Variants in FER observed in about 807,000 individuals in gnomAD.
FER encodes the protein tyrosine-protein kinase Fer.
FER carries 63 observed loss-of-function variants against 111.0 expected under a neutral mutation model. The ratio of observed to expected loss-of-function variants is 0.57; its 90% CI spans 0.46 to 0.70. The LOEUF (loss-of-function observed/expected upper bound fraction) is 0.70. FER is among the 30% of genes least tolerant of loss of function. The probability of loss-of-function intolerance (pLI) is 0.00; values close to 1 mark genes in which losing one functional copy is unlikely to be tolerated. For missense variants in FER, 914 were observed against 954.0 expected (o/e 0.96, Z 0.55); for synonymous variants, 327 against 313.9 (o/e 1.04, Z -0.44).
chr5:108,856,902 G>T (rs983157127), intron 5 of FER, among the ~76,000 whole-genome samples: 6 of 151,998 alleles, frequency 3.9e-5, no homozygotes, highest in Admixed American at 2.6e-4. Context: ...AGAACAAATT[G>T]TTGAGGTTTC....
chr5:109,050,741 G>C (rs1424621534), intron 16 of FER, among the ~76,000 whole-genome samples: 1 of 152,046 alleles, frequency 6.6e-6, no homozygotes, highest in Admixed American at 6.6e-5. Flanking sequence ...CTGATACCAA[G>C]AATAAAAAAA....
intron 16 of FER, among the ~76,000 whole-genome samples, chr5:109,084,107 A>G (rs978832506): frequency 2.6e-5 from 4 of 152,006 alleles, no homozygotes; most frequent in Admixed American, 6.6e-5. Context: ...GAAATAGGAC[A>G]TGACTATTGA....
chr5:109,172,995 A>T (rs1387865220), intron 17 of FER, among the ~76,000 whole-genome samples: 20 of 152,214 alleles, frequency 1.3e-4, no homozygotes, highest in Admixed American at 1.3e-3. Context: ...AAGCTTTATC[A>T]CTATATGTTT....
chr5:109,099,558 AGT>A (rs1399658614), intron 16 of FER, among the ~76,000 whole-genome samples: 1 of 151,584 alleles, frequency 6.6e-6, no homozygotes, highest in Non-Finnish European at 1.5e-5. Flanking sequence ...TATTTCAAAG[AGT>A]GTGATTTTAA....
chr5:109,030,639 T>C (rs1321208788), intron 13 of FER, among the ~76,000 whole-genome samples: 1 of 152,196 alleles, frequency 6.6e-6, no homozygotes. Context: ...AAGTCTGGGC[T>C]GCCAGGTGTT....
chr5:109,120,552 C>A (rs979578028), intron 17 of FER, among the ~76,000 whole-genome samples: 1 of 151,964 alleles, frequency 6.6e-6, no homozygotes, highest in African/African-American at 2.4e-5. Flanking sequence ...CAATTCTGTT[C>A]TTTTTGCTTA....
chr5:108,867,180 A>G (rs138081162), intron 5 of FER, among the ~76,000 whole-genome samples: 57 of 152,258 alleles, frequency 3.7e-4, no homozygotes, highest in African/African-American at 8.9e-4. Context: ...TGAATTCCCA[A>G]TGTTTAGCAC....
At chr5:108,956,337 T>C (rs1278081301) in intron 12 of FER, among the ~76,000 whole-genome samples, 3 of 151,650 alleles carry the variant, frequency 2.0e-5, no homozygotes, top group Non-Finnish European at 4.4e-5. Context: ...AACCACAACT[T>C]GTATGAATGT....
intron 5 of FER, among the ~76,000 whole-genome samples, chr5:108,840,629 C>A (rs187762120): frequency 1.3e-5 from 2 of 151,944 alleles, no homozygotes; most frequent in Non-Finnish European, 2.9e-5. Flanking sequence ...CCTGATCTAT[C>A]CCCTATATTT....
intron 13 of FER, among the ~76,000 whole-genome samples, chr5:108,973,414 AT>A (rs1482257687): frequency 6.6e-6 from 1 of 152,164 alleles, no homozygotes; most frequent in African/African-American, 2.4e-5. Context: ...TTAAAAAGAT[AT>A]CTGCAAGTGA....
intron 10 of FER, among the ~76,000 whole-genome samples, chr5:108,919,319 A>T (rs989490382): frequency 6.6e-6 from 1 of 151,216 alleles, no homozygotes; most frequent in Admixed American, 6.6e-5. Context: ...CAGTATTTCT[A>T]TAGGTTTTAG....
chr5:109,161,507 T>G (rs962660348), intron 17 of FER, among the ~76,000 whole-genome samples: 6 of 152,214 alleles, frequency 3.9e-5, no homozygotes, highest in African/African-American at 1.4e-4. Context: ...AGCGAGAATA[T>G]GTGGTATTTG....
intron 10 of FER, among the ~76,000 whole-genome samples, chr5:108,941,030 A>T (rs1485457823): frequency 6.6e-6 from 1 of 152,062 alleles, no homozygotes; most frequent in East Asian, 1.9e-4. Context: ...AGTGGGTGAG[A>T]GCAAAGAGAC....
intron 2 of FER, among the ~76,000 whole-genome samples, chr5:108,783,156 T>A (rs1754288799): frequency 1.3e-5 from 2 of 152,164 alleles, no homozygotes; most frequent in South Asian, 4.1e-4. Flanking sequence ...ATTTTTTCTA[T>A]TTTTTTCTGT....
Position 109,009,224 on chromosome 5 carries a change from C to T in FER, c.1657-28198C>T, listed in dbSNP as rs187820350. ...CTAATTTTTATATTTTTAGTAGAGACGGGGTTTCACCATGTTGGCCAGGCT... is the reference window on the plus strand; with the variant it reads ...CTAATTTTTATATTTTTAGTAGAGATGGGGTTTCACCATGTTGGCCAGGCT... On this transcript the variant is annotated intron_variant, in intron 13 of 19. Transcript: ENST00000281092. Among the ~76,000 whole-genome samples, 10 of 151,748 alleles carry T rather than the reference C, an allele frequency of 6.6e-5. No individual in the cohort carries two copies. In the East Asian group the frequency reaches 1.6e-3, roughly 24 times the overall value.
chr5:109,009,109 G>A (rs1765894990), intron 13 of FER, among the ~76,000 whole-genome samples: 2 of 143,856 alleles, frequency 1.4e-5, no homozygotes, highest in South Asian at 4.5e-4. Context: ...ATGCACTGGC[G>A]TGATCTCGGC....
intron 10 of FER, among the ~76,000 whole-genome samples, chr5:108,931,246 T>A (rs1754627256): frequency 6.6e-6 from 1 of 152,172 alleles, no homozygotes; most frequent in African/African-American, 2.4e-5. Context: ...CTTCAAATGG[T>A]ATATTGTGAC....
intron 14 of FER, among the ~76,000 whole-genome samples, chr5:109,040,837 G>T (rs1039424723): frequency 4.6e-5 from 7 of 152,112 alleles, no homozygotes; most frequent in African/African-American, 1.7e-4. Context: ...TCCTTGAGCA[G>T]GTAAGAGGGG....
chr5:108,959,109 A>G, intron 12 of FER, 116 bp from the exon 13 acceptor site: 1 of 985,968 alleles, frequency 1.0e-6, no homozygotes, highest in Non-Finnish European at 1.5e-6. Flanking sequence ...TGTTAAGTAT[A>G]TTCACATTGT....
Sources: allele counts gnomAD v4.1 joint callset (sites outside exome capture counted in the v4.1 genomes callset), GRCh38; gene constraint gnomAD v4.1.1; transcripts MANE v1.5; gene names NCBI Gene and HGNC (gene_info 2026-07-23, HGNC 2026-07-21).